SOS2: variants seen among roughly 807,000 people sequenced by gnomAD.
SOS2 encodes the protein SOS Ras/Rho guanine nucleotide exchange factor 2.
In SOS2, 65 loss-of-function variants were observed where a neutral mutation model predicts 148.2. That is an observed-to-expected ratio of 0.44 (90% CI 0.36 to 0.54). The LOEUF is 0.54. Among genes scored for constraint, SOS2 ranks in the 20% least tolerant of loss-of-function variants. SOS2 has a pLI of 0.00. For synonymous variants in SOS2, 539 were observed against 537.1 expected, an observed-to-expected ratio of 1.00 and a Z score of -0.05; for missense variants, 1,341 against 1,590.2, an observed-to-expected ratio of 0.84 and a Z score of 2.67.
chr14:50,137,147 T>A (rs1007896199), intron 18 of SOS2, among the ~76,000 whole-genome samples: 3 of 152,200 alleles, frequency 2.0e-5, no homozygotes, highest in Non-Finnish European at 4.4e-5. Context: ...TATAATAACA[T>A]TCATTTAGCA....
chr14:50,193,889 C>T (rs1318238905), intron 4 of SOS2, among the ~76,000 whole-genome samples: 1 of 152,006 alleles, frequency 6.6e-6, no homozygotes, highest in Non-Finnish European at 1.5e-5. Flanking sequence ...GGATTATAGG[C>T]AATCGCCACC....
At chr14:50,175,486 T>G (rs1393721744) in intron 7 of SOS2, among the ~76,000 whole-genome samples, 1 of 149,748 alleles carries the variant, frequency 6.7e-6, no homozygotes, top group Non-Finnish European at 1.5e-5. Flanking sequence ...ACATCTTGGA[T>G]CAATGCATAA....
chr14:50,145,075 AG>A (rs1884425966), intron 16 of SOS2, 94 bp downstream of exon 16: 1 of 599,204 alleles, frequency 1.7e-6, no homozygotes, highest in Non-Finnish European at 2.7e-6. Context: ...GAATTTACAA[AG>A]AATTTAATTA....
At chr14:50,120,736 C>CT (rs34012845) in intron 21 of SOS2, among the ~76,000 whole-genome samples, 86,868 of 107,548 alleles carry the variant, frequency 0.81, 36,013 homozygotes, top group East Asian at 0.88. Context: ...AATCAGAGAC[C>CT]TTTTTTTTTT....
intron 4 of SOS2, among the ~76,000 whole-genome samples, chr14:50,191,508 C>T (rs1886138364): frequency 6.6e-6 from 1 of 152,090 alleles, no homozygotes; most frequent in Non-Finnish European, 1.5e-5. Flanking sequence ...CAGCTCCAAA[C>T]AATTTTTCTC....
chr14:50,163,878 T>A (rs17122210), intron 8 of SOS2, among the ~76,000 whole-genome samples: 1,668 of 152,316 alleles, frequency 0.011, 36 homozygotes, highest in African/African-American at 0.038. Flanking sequence ...CTACTTGGTC[T>A]TAAGGCTGCT....
chr14:50,180,641 A>G lies in SOS2; in HGVS notation c.900T>C (p.Ile300=). 1 of 1,605,616 alleles carries G rather than the reference A, an allele frequency of 6.2e-7. No individual in the cohort carries two copies. Among genetic ancestry groups the G allele is most frequent in the South Asian group, 1.1e-5 (1 of 89,442 alleles). ...FDPYETLSQD[I]LSPEFHEHFN... ...AATGTTCATGAAACTCTGGTGAAAG[A>G]ATGTCCTGTGATAATGTTTCATAAG... Residue 300 remains isoleucine, a synonymous_variant, in exon 7 of 23, where the codon ATT becomes ATC. Coordinates refer to ENST00000216373, the MANE Select transcript of SOS2 (RefSeq NM_006939.4).
intron 5 of SOS2, among the ~76,000 whole-genome samples, chr14:50,186,620 T>TAA (rs61620791): frequency 3.7e-5 from 5 of 136,348 alleles, no homozygotes; most frequent in Non-Finnish European, 3.2e-5. Flanking sequence ...CATCTATATT[T>TAA]AAAAAAAAAA....
At chr14:50,196,673 CTTGAT>C in intron 4 of SOS2, among the ~76,000 whole-genome samples, 1 of 152,236 alleles carries the variant, frequency 6.6e-6, no homozygotes, top group Middle Eastern at 3.4e-3. Flanking sequence ...TGTTAATCAG[CTTGAT>C]TTAATTATTC....
At chr14:50,188,464 T>G (rs775214494) in intron 5 of SOS2, 33 bp downstream of exon 5, 1 of 1,396,974 alleles carries the variant, frequency 7.2e-7, no homozygotes, top group Non-Finnish European at 1.0e-6. Flanking sequence ...TTTTTTGGGG[T>G]ACACAGAATT....
rs114872958 is a variant in SOS2 at position 50,205,212 on chromosome 14, G to A, written c.88-803C>T. On this transcript the variant is annotated intron_variant, in intron 1 of 22. Coordinates refer to ENST00000216373, the MANE Select transcript of SOS2 (RefSeq NM_006939.4). ...CTACAGGTGTGTGCCACCATGACCT[G>A]GCTAATTTTTAAAACTTTTTGTAGA... Among the ~76,000 whole-genome samples, 234 of 151,908 alleles carry A rather than the reference G, an allele frequency of 1.5e-3. 1 individual carries two copies. Among genetic ancestry groups the A allele is most frequent in the African/African-American group, 5.4e-3 (225 of 41,434 alleles).
chr14:50,209,821 T>G (rs576155746), intron 1 of SOS2, among the ~76,000 whole-genome samples: 2 of 152,022 alleles, frequency 1.3e-5, no homozygotes, highest in East Asian at 3.9e-4. Context: ...GAGTACCTGA[T>G]AAGGTACACA....
chr14:50,152,561 A>G (rs915304493), intron 13 of SOS2, among the ~76,000 whole-genome samples: 4 of 152,240 alleles, frequency 2.6e-5, no homozygotes, highest in Middle Eastern at 3.2e-3. Context: ...CAAAAACTTG[A>G]AAAGGCAAAG....
chr14:50,151,783 T>C (rs1470219189), intron 13 of SOS2, among the ~76,000 whole-genome samples: 1 of 152,212 alleles, frequency 6.6e-6, no homozygotes, highest in Non-Finnish European at 1.5e-5. Context: ...TGTGCAGTGT[T>C]GCAATTTCGG....
chr14:50,197,398 T>C (rs1027460856), intron 4 of SOS2, among the ~76,000 whole-genome samples: 10 of 152,210 alleles, frequency 6.6e-5, no homozygotes, highest in Admixed American at 1.3e-4. Flanking sequence ...AATGAAATCA[T>C]GTGCCTGTGT....
intron 1 of SOS2, among the ~76,000 whole-genome samples, chr14:50,207,713 C>A (rs988953605): frequency 2.6e-5 from 4 of 151,804 alleles, no homozygotes; most frequent in Non-Finnish European, 5.9e-5. Context: ...CGAGACCAGA[C>A]TGGACAACCT....
chr14:50,121,371 T>C (rs1883501485), intron 21 of SOS2, among the ~76,000 whole-genome samples: 1 of 152,140 alleles, frequency 6.6e-6, no homozygotes, highest in African/African-American at 2.4e-5. Context: ...TATACTGAGA[T>C]TGGGAACACA....
At chr14:50,206,140 C>T (rs930243182) in intron 1 of SOS2, among the ~76,000 whole-genome samples, 2 of 151,932 alleles carry the variant, frequency 1.3e-5, no homozygotes, top group African/African-American at 4.8e-5. Flanking sequence ...TTTATTTTTG[C>T]TTTATCTTCA....
At chr14:50,149,567 T>C (rs925941625) in intron 14 of SOS2, among the ~76,000 whole-genome samples, 2 of 152,130 alleles carry the variant, frequency 1.3e-5, no homozygotes, top group East Asian at 1.9e-4. Context: ...ATAATGATAG[T>C]GACATTTTTC....
Sources: gnomAD v4.1 joint callset for allele counts (sites outside exome capture counted in the v4.1 genomes callset) on GRCh38, gnomAD v4.1.1 for gene constraint, MANE v1.5 for transcripts, NCBI Gene and HGNC (gene_info 2026-07-23, HGNC 2026-07-21) for gene names.